Variants in FOXP1 observed in about 807,000 individuals in gnomAD.
FOXP1 encodes the protein forkhead box P1, also known as forkhead box protein P1.
FOXP1 carries 15 observed loss-of-function variants against 98.2 expected under a neutral mutation model. The ratio of observed to expected loss-of-function variants is 0.15; its 90% CI spans 0.10 to 0.24. The LOEUF is 0.24. Among genes scored for constraint, FOXP1 ranks in the 10% least tolerant of loss-of-function variants. The pLI is 1.00. For synonymous variants in FOXP1, 371 were observed against 314.5 expected, an observed-to-expected ratio of 1.18 and a Z score of -1.90; for missense variants, 633 against 848.5, an observed-to-expected ratio of 0.75 and a Z score of 3.15.
intron 3 of FOXP1, among the ~76,000 whole-genome samples, chr3:71,456,571 C>G (rs1024317005): frequency 6.6e-6 from 1 of 152,180 alleles, no homozygotes; most frequent in Non-Finnish European, 1.5e-5. Flanking sequence ...CCCAACTCCC[C>G]TACACACTAG....
intron 11 of FOXP1, among the ~76,000 whole-genome samples, chr3:71,020,329 A>G (rs968507594): frequency 6.6e-6 from 1 of 152,216 alleles, no homozygotes; most frequent in Admixed American, 6.5e-5. Flanking sequence ...ATGACAGTTA[A>G]GTAGGATATT....
chr3:71,237,142 G>A (rs1219513270), intron 5 of FOXP1, among the ~76,000 whole-genome samples: 1 of 135,132 alleles, frequency 7.4e-6, no homozygotes, highest in Non-Finnish European at 1.5e-5. Flanking sequence ...TGAGACAGGA[G>A]AATCACTTGA....
chr3:71,350,898 T>C (rs113013863), intron 4 of FOXP1, among the ~76,000 whole-genome samples: 3,691 of 152,096 alleles, frequency 0.024, 74 homozygotes, highest in Non-Finnish European at 0.035. Flanking sequence ...TCAAAGGCCA[T>C]CCATGCCTTT....
chr3:71,575,346 G>T (rs961045569), intron 2 of FOXP1, among the ~76,000 whole-genome samples: 1 of 152,160 alleles, frequency 6.6e-6, no homozygotes, highest in African/African-American at 2.4e-5. Flanking sequence ...CAGGTCTCTA[G>T]CATGCATCAG....
chr3:70,993,693 T>C (rs1388866759), intron 13 of FOXP1, among the ~76,000 whole-genome samples: 2 of 152,330 alleles, frequency 1.3e-5, no homozygotes, highest in South Asian at 2.1e-4. Context: ...CCAAATGTTA[T>C]ATTTTTCTTT....
intron 19 of FOXP1, chr3:70,970,146 T>G (rs1257964699): frequency 1.3e-5 from 2 of 153,736 alleles, no homozygotes; most frequent in Non-Finnish European, 2.9e-5. Flanking sequence ...CAGTAGGAAA[T>G]AAATACTCCG....
chr3:71,583,485 G>A, intron 1 of FOXP1, 86 bp downstream of exon 1: 1 of 969,856 alleles, frequency 1.0e-6, no homozygotes, highest in Non-Finnish European at 1.2e-6. Flanking sequence ...TTTTGTGCTG[G>A]TTGTTGTTGT....
intron 5 of FOXP1, among the ~76,000 whole-genome samples, chr3:71,206,622 A>G (rs1409119432): frequency 6.6e-6 from 1 of 152,176 alleles, no homozygotes. Context: ...TCCAAGGAAA[A>G]AAAGGATTTC....
intron 20 of FOXP1, 52 bp from the exon 21 acceptor site, chr3:70,959,443 C>G: frequency 6.2e-7 from 1 of 1,609,374 alleles, no homozygotes; most frequent in Non-Finnish European, 8.5e-7. Flanking sequence ...CCCATTGCAG[C>G]TCAGGTGCAC....
intron 6 of FOXP1, among the ~76,000 whole-genome samples, chr3:71,171,377 C>T (rs1322696736): frequency 6.6e-6 from 1 of 152,160 alleles, no homozygotes; most frequent in Non-Finnish European, 1.5e-5. Flanking sequence ...TCATTGTTCG[C>T]GCTGCACATA....
chr3:71,575,157 T>C (rs937508575), intron 2 of FOXP1, among the ~76,000 whole-genome samples: 2 of 152,188 alleles, frequency 1.3e-5, no homozygotes, highest in African/African-American at 4.8e-5. Context: ...AGCTCTGCTG[T>C]GATTCCAATA....
At chr3:71,551,798 A>G (rs2045800044) in intron 2 of FOXP1, among the ~76,000 whole-genome samples, 1 of 152,194 alleles carries the variant, frequency 6.6e-6, no homozygotes, top group Non-Finnish European at 1.5e-5. Context: ...TCTACCATCT[A>G]TGATCGGGCT....
intron 3 of FOXP1, among the ~76,000 whole-genome samples, chr3:71,414,138 T>C (rs2083011399): frequency 6.7e-6 from 1 of 150,284 alleles, no homozygotes; most frequent in Non-Finnish European, 1.5e-5. Context: ...CCATCCAAAT[T>C]GTTTTAGTAT....
intron 19 of FOXP1, chr3:70,968,929 T>G (rs991024721): frequency 1.3e-5 from 2 of 152,206 alleles, no homozygotes; most frequent in African/African-American, 2.4e-5. Flanking sequence ...ATCATGAATT[T>G]GTATCAATTT....
intron 4 of FOXP1, among the ~76,000 whole-genome samples, chr3:71,324,794 A>G (rs895982837): frequency 2.0e-5 from 3 of 152,062 alleles, no homozygotes; most frequent in African/African-American, 7.2e-5. Context: ...AAATAAATAC[A>G]TTAGTGTAAA....
intron 9 of FOXP1, among the ~76,000 whole-genome samples, chr3:71,048,950 C>T (rs1431821928): frequency 6.6e-6 from 1 of 152,042 alleles, no homozygotes; most frequent in Non-Finnish European, 1.5e-5. Context: ...TGAAAGCTGT[C>T]TACGTTTGAA....
At chr3:71,216,931 T>A (rs957736600) in intron 5 of FOXP1, among the ~76,000 whole-genome samples, 1 of 152,184 alleles carries the variant, frequency 6.6e-6, no homozygotes, top group African/African-American at 2.4e-5. Context: ...GGGGAGAGGC[T>A]GGGGATGCTG....
intron 11 of FOXP1, among the ~76,000 whole-genome samples, chr3:71,031,107 C>T (rs1401051733): frequency 6.6e-6 from 1 of 152,158 alleles, no homozygotes; most frequent in African/African-American, 2.4e-5. Flanking sequence ...ATCATTTGCA[C>T]AAACACTTCA....
intron 6 of FOXP1, among the ~76,000 whole-genome samples, chr3:71,163,916 T>C (rs2108162338): frequency 6.6e-6 from 1 of 152,258 alleles, no homozygotes; most frequent in South Asian, 2.1e-4. Context: ...TAGAAAGTAG[T>C]CCACAGAGAG....
Sources: gnomAD v4.1 joint callset for allele counts (sites outside exome capture counted in the v4.1 genomes callset) on GRCh38, gnomAD v4.1.1 for gene constraint, MANE v1.5 for transcripts, NCBI Gene and HGNC (gene_info 2026-07-23, HGNC 2026-07-21) for gene names.